GSE1: variants seen among roughly 807,000 people sequenced by gnomAD.
GSE1 encodes Gse1 coiled-coil protein.
A neutral mutation model predicts 112.6 loss-of-function variants in GSE1; 32 were observed. That is an observed-to-expected ratio of 0.28 (90% CI 0.21 to 0.38). The LOEUF (loss-of-function observed/expected upper bound fraction) is 0.38, where lower values mean the gene tolerates loss of function less well. Ranked by LOEUF, GSE1 falls within the 10% of genes least tolerant of loss-of-function variation. The pLI is 1.00. For synonymous variants in GSE1, 1,115 were observed against 735.6 expected (o/e 1.52, Z -8.35); for missense variants, 2,348 against 1,699.2 (o/e 1.38, Z -6.71).
At chr16:85,413,841 C>G (rs2048641914) in intron 2 of GSE1, among the ~76,000 whole-genome samples, 1 of 152,150 alleles carries the variant, frequency 6.6e-6, no homozygotes, top group African/African-American at 2.4e-5. Flanking sequence ...GTGACTAGAT[C>G]ATGGGGGTGG....
chr16:85,427,291 A>C (rs529202238), intron 2 of GSE1, among the ~76,000 whole-genome samples: 11 of 152,354 alleles, frequency 7.2e-5, no homozygotes, highest in Non-Finnish European at 1.0e-4. Flanking sequence ...GTGCTGGCTT[A>C]GGTTTTATTT....
At chr16:85,316,791 G>A (rs914198071) in intron 1 of GSE1, among the ~76,000 whole-genome samples, 7 of 152,212 alleles carry the variant, frequency 4.6e-5, no homozygotes, top group Admixed American at 2.0e-4. Flanking sequence ...GGGAGCAGAC[G>A]TCTCCCTGTC....
intron 1 of GSE1, chr16:85,306,234 GT>G (rs1235822049): frequency 6.5e-6 from 1 of 154,148 alleles, no homozygotes; most frequent in East Asian, 1.9e-4. Flanking sequence ...AGCCCTGGCT[GT>G]GCTCCTAGCC....
At chr16:85,411,908 CCT>C (rs1371611252) in intron 2 of GSE1, among the ~76,000 whole-genome samples, 1 of 23,088 alleles carries the variant, frequency 4.3e-5, no homozygotes, top group African/African-American at 1.6e-4. Flanking sequence ...TCAGGCCCCC[CCT>C]GGATAATCCT....
intron 1 of GSE1, among the ~76,000 whole-genome samples, chr16:85,627,044 C>CTTTTTTTTTTTCTTTTTTT (rs2049133032): frequency 4.0e-5 from 1 of 25,060 alleles, no homozygotes; most frequent in Non-Finnish European, 7.1e-5. Flanking sequence ...TTCTTCTTGC[C>CTTTTTTTTTTTCTTTTTTT]TTTTTTTTTT....
At chr16:85,555,237 C>G (rs1396034920), upstream of GSE1, 2 of 985,198 alleles carry the variant, frequency 2.0e-6, no homozygotes, top group African/African-American at 3.5e-5. Flanking sequence ...GAAAATTGAT[C>G]GAGGGGCTCT....
chr16:85,589,042 G>T (rs1003589831), intron 1 of GSE1, among the ~76,000 whole-genome samples: 2 of 152,120 alleles, frequency 1.3e-5, no homozygotes, highest in African/African-American at 4.8e-5. Flanking sequence ...AGGGCCATGG[G>T]CTGTGCTGAC....
At chr16:85,650,056 G>C (rs1435766037) in intron 3 of GSE1, among the ~76,000 whole-genome samples, 1 of 152,168 alleles carries the variant, frequency 6.6e-6, no homozygotes, top group Admixed American at 6.5e-5. Context: ...AACCTGCCCA[G>C]GGTCCTCACC....
chr16:85,663,891 T>G (rs775028220), intron 11 of GSE1, among the ~76,000 whole-genome samples: 1 of 152,250 alleles, frequency 6.6e-6, no homozygotes, highest in Non-Finnish European at 1.5e-5. Context: ...AGGCGCTCTT[T>G]GAGCCGAGTG....
At chr16:85,456,598 G>A (rs1432821344) in intron 2 of GSE1, among the ~76,000 whole-genome samples, 15 of 145,636 alleles carry the variant, frequency 1.0e-4, no homozygotes, top group African/African-American at 3.4e-4. Context: ...GTGTGTGTGT[G>A]TGTGTGTGTG....
intron 1 of GSE1, among the ~76,000 whole-genome samples, chr16:85,272,161 G>T (rs1384789073): frequency 6.6e-6 from 1 of 152,212 alleles, no homozygotes; most frequent in Non-Finnish European, 1.5e-5. Flanking sequence ...GGAAGCCTAG[G>T]CTCCCTTTTC....
intron 2 of GSE1, among the ~76,000 whole-genome samples, chr16:85,529,707 G>C (rs185110477): frequency 1.3e-5 from 2 of 152,188 alleles, no homozygotes; most frequent in African/African-American, 4.8e-5. Flanking sequence ...CCTGTTTGGG[G>C]GTAGGCTAGG....
intron 1 of GSE1, among the ~76,000 whole-genome samples, chr16:85,205,627 A>G (rs1388512955): frequency 9.2e-5 from 14 of 151,682 alleles, no homozygotes; most frequent in Non-Finnish European, 2.1e-4. Context: ...CCAGGGCTCT[A>G]CACTGGGGGT....
intron 1 of GSE1, among the ~76,000 whole-genome samples, chr16:85,200,724 A>G (rs73260365): frequency 2.0e-5 from 3 of 152,092 alleles, no homozygotes; most frequent in Non-Finnish European, 4.4e-5. Context: ...AACCTCAACA[A>G]TTTTTGTCGT....
intron 1 of GSE1, among the ~76,000 whole-genome samples, chr16:85,557,986 C>G (rs2045321176): frequency 6.6e-6 from 1 of 151,816 alleles, no homozygotes; most frequent in African/African-American, 2.4e-5. Context: ...CCTCCTCTGC[C>G]TGAAATGCAA....
chr16:85,447,724 T>C (rs966622918), intron 2 of GSE1, among the ~76,000 whole-genome samples: 4 of 152,130 alleles, frequency 2.6e-5, no homozygotes, highest in African/African-American at 9.7e-5. Flanking sequence ...GGAGGCTGAA[T>C]TGAGAAGAAA....
intron 1 of GSE1, among the ~76,000 whole-genome samples, chr16:85,579,534 G>A (rs2046363667): frequency 6.6e-6 from 1 of 152,216 alleles, no homozygotes; most frequent in African/African-American, 2.4e-5. Flanking sequence ...GGCCGGGCAG[G>A]CAGGTCAGAG....
In GSE1 at chr16:85,287,243, G is replaced by A. The variant is rs193127868; in HGVS notation, c.2284-70220G>A. On this transcript the variant is annotated intron_variant, in intron 1 of 2. Coordinates refer to the GSE1 transcript ENST00000637419. ...GTGCAAGACGTGCACCACTTGGTGGGGCTTGGAGGCCTGAGCTCCCAGGGT... is the reference window on the plus strand; with the variant it reads ...GTGCAAGACGTGCACCACTTGGTGGAGCTTGGAGGCCTGAGCTCCCAGGGT... Among the ~76,000 whole-genome samples the A allele has an allele frequency of 4.1e-3, 619 of 152,358 alleles. 3 individuals carry two copies. Among genetic ancestry groups the A allele is most frequent in the African/African-American group, 0.013 (533 of 41,582 alleles).
At chr16:85,214,423 G>T (rs2075276435) in intron 1 of GSE1, among the ~76,000 whole-genome samples, 1 of 152,196 alleles carries the variant, frequency 6.6e-6, no homozygotes, top group African/African-American at 2.4e-5. Context: ...TGCAGGCAGA[G>T]GTCGGAGTGA....
Sources: allele counts gnomAD v4.1 joint callset (sites outside exome capture counted in the v4.1 genomes callset), GRCh38; gene constraint gnomAD v4.1.1; transcripts MANE v1.5; gene names NCBI Gene and HGNC (gene_info 2026-07-23, HGNC 2026-07-21).